CAV1: variants seen among roughly 807,000 people sequenced by gnomAD.
CAV1 encodes caveolin-1.
CAV1 carries 10 observed loss-of-function variants against 16.5 expected under a neutral mutation model. The ratio of observed to expected loss-of-function variants is 0.61; its 90% CI spans 0.37 to 1.03. The LOEUF is 1.03. Among genes scored for constraint, CAV1 ranks in the 50% least tolerant of loss-of-function variants. The probability of loss-of-function intolerance (pLI) is 0.01; values close to 1 mark genes in which losing one functional copy is unlikely to be tolerated. For synonymous variants in CAV1, 76 were observed against 85.1 expected, an observed-to-expected ratio of 0.89 and a Z score of 0.59; for missense variants, 212 against 232.8, an observed-to-expected ratio of 0.91 and a Z score of 0.58.
intron 1 of CAV1, 102 bp downstream of exon 1, chr7:116,525,194 C>G: frequency 6.2e-7 from 1 of 1,613,828 alleles, no homozygotes; most frequent in Non-Finnish European, 8.5e-7. Flanking sequence ...CCCCAGCCCT[C>G]TCTCCACTTC....
chr7:116,547,355 C>T (rs140647307), intron 2 of CAV1, among the ~76,000 whole-genome samples: 1 of 152,238 alleles, frequency 6.6e-6, no homozygotes, highest in Admixed American at 6.5e-5. Context: ...CTCATACTCC[C>T]TCCTAAGAAG....
intron 2 of CAV1, among the ~76,000 whole-genome samples, chr7:116,535,023 G>A (rs544797597): frequency 7.0e-4 from 106 of 152,240 alleles, no homozygotes; most frequent in African/African-American, 2.4e-3. Flanking sequence ...GGCTACTTGG[G>A]CTTAAAGCCA....
intron 2 of CAV1, among the ~76,000 whole-genome samples, chr7:116,534,379 A>T (rs1562829885): frequency 1.6e-4 from 9 of 55,192 alleles, no homozygotes; most frequent in South Asian, 8.2e-4. Context: ...ATATATATAT[A>T]TATATATATA....
intron 2 of CAV1, among the ~76,000 whole-genome samples, chr7:116,534,331 T>C (rs1220364906): frequency 7.5e-6 from 1 of 133,192 alleles, no homozygotes; most frequent in Admixed American, 8.1e-5. Flanking sequence ...CAGAGGAATG[T>C]TTACAAATAC....
At chr7:116,551,830 A>C (rs535972060) in intron 2 of CAV1, 1 of 151,816 alleles carries the variant, frequency 6.6e-6, no homozygotes, top group East Asian at 1.9e-4. Context: ...GTCTAAGCTC[A>C]CTCACATGGC....
chr7:116,534,385 A>ATTT (rs1181456517), intron 2 of CAV1, among the ~76,000 whole-genome samples: 13 of 9,134 alleles, frequency 1.4e-3, no homozygotes, highest in African/African-American at 2.3e-3. Flanking sequence ...ATATATATAT[A>ATTT]TATATATATA....
At chr7:116,553,724 T>C (rs1348826586) in intron 2 of CAV1, among the ~76,000 whole-genome samples, 1 of 152,136 alleles carries the variant, frequency 6.6e-6, no homozygotes, top group South Asian at 2.1e-4. Context: ...CCAGCCCTTG[T>C]AGAAGGGCAA....
intron 2 of CAV1, among the ~76,000 whole-genome samples, chr7:116,554,185 C>A (rs1794219011): frequency 6.6e-6 from 1 of 152,098 alleles, no homozygotes; most frequent in African/African-American, 2.4e-5. Flanking sequence ...CTCTGAACTC[C>A]CTTAAATACA....
At chr7:116,537,009 CAAAAAAAAAA>C (rs753949130) in intron 2 of CAV1, among the ~76,000 whole-genome samples, 1 of 61,474 alleles carries the variant, frequency 1.6e-5, no homozygotes, top group Non-Finnish European at 3.0e-5. Context: ...GACTCCGTCT[CAAAAAAAAAA>C]AAAAAAAAAA....
Position 116,526,626 on chromosome 7 carries a change from G to T in CAV1, c.132G>T (p.Ala44=), listed in dbSNP as rs1793568491. ...DELSEKQVYD[A]HTKEIDLVNR... ...TGAGCGAGAAGCAAGTGTACGACGC[G>T]CACACCAAGGAGATCGACCTGGTCA... Residue 44 remains alanine (A), a synonymous_variant, in exon 2 of 3, where the codon GCG becomes GCT. Coordinates refer to ENST00000341049, the MANE Select transcript of CAV1 (RefSeq NM_001753.5). The T allele has an allele frequency of 1.2e-6, 2 of 1,614,112 alleles. No individual in the cohort carries two copies. Among genetic ancestry groups the T allele is most frequent in the East Asian group, 2.2e-5 (1 of 44,876 alleles).
chr7:116,526,586 C>T lies in CAV1; in HGVS notation c.92C>T (p.Ala31Val). Residue 31 changes from alanine (A) to valine (V), a missense_variant, in exon 2 of 3, where the codon GCC (alanine) becomes GTC (valine). Coordinates refer to ENST00000341049, the MANE Select transcript of CAV1 (RefSeq NM_001753.5). ...QGNIYKPNNK[A>V]MADELSEKQV... ...AACATCTACAAGCCCAACAACAAGGCCATGGCAGACGAGCTGAGCGAGAAG... is the reference window on the plus strand; with the variant it reads ...AACATCTACAAGCCCAACAACAAGGTCATGGCAGACGAGCTGAGCGAGAAG... The T allele has an allele frequency of 6.2e-7, 1 of 1,614,164 alleles. No individual in the cohort carries two copies. Among genetic ancestry groups the T allele is most frequent in the Non-Finnish European group, 8.5e-7 (1 of 1,180,032 alleles).
chr7:116,526,382 C>T, intron 1 of CAV1, 143 bp from the exon 2 acceptor site: 2 of 1,525,454 alleles, frequency 1.3e-6, no homozygotes, highest in Non-Finnish European at 1.8e-6. Context: ...CCGTAGCTGT[C>T]GGAGCGGTTA....
intron 1 of CAV1, chr7:116,525,704 C>A (rs1443897924): frequency 9.3e-7 from 1 of 1,077,292 alleles, no homozygotes; most frequent in Non-Finnish European, 1.1e-6. Flanking sequence ...CGCTGGAGCT[C>A]TGCCCGGGTG....
intron 2 of CAV1, among the ~76,000 whole-genome samples, chr7:116,527,615 G>GGCTA (rs753134355): frequency 2.0e-4 from 30 of 152,150 alleles, no homozygotes; most frequent in Non-Finnish European, 3.5e-4. Context: ...ATCTGGATTG[G>GGCTA]GATATCATGG....
chr7:116,559,953 T>C lies in CAV1; in HGVS notation c.*666T>C, dbSNP rs992322396. 7.5e-6 allele frequency: 3 copies of C among 397,596 alleles called. No homozygotes were observed. The highest frequency in any genetic ancestry group is 6.2e-5 in the African/African-American group (3 of 48,582). The allele number at this position is 397,596 out of a possible 1,614,324, so 24.6% of individuals were successfully genotyped here. A position where few individuals can be genotyped will look rare whatever the true frequency, so the allele number is the denominator to read the frequency against. On this transcript the variant is annotated 3_prime_UTR_variant, in exon 3 of 3. Transcript: ENST00000341049. ...ATAACAAGACCTCAGTGCCTTCCTGTTTTTCACATTTTCCTTTTCAAATAG... is the reference window on the plus strand; with the variant it reads ...ATAACAAGACCTCAGTGCCTTCCTGCTTTTCACATTTTCCTTTTCAAATAG...
At chr7:116,535,388 C>G (rs573655373) in intron 2 of CAV1, among the ~76,000 whole-genome samples, 6 of 152,298 alleles carry the variant, frequency 3.9e-5, no homozygotes, top group African/African-American at 1.4e-4. Context: ...TAAAGAGGAT[C>G]CCTTATGTTC....
intron 2 of CAV1, among the ~76,000 whole-genome samples, chr7:116,543,559 A>C (rs1483417905): frequency 1.3e-5 from 2 of 152,238 alleles, no homozygotes; most frequent in Non-Finnish European, 2.9e-5. Context: ...ATCTGTTCTA[A>C]GATGGATCAG....
chr7:116,525,885 C>A, intron 1 of CAV1: 1 of 968,002 alleles, frequency 1.0e-6, no homozygotes, highest in Non-Finnish European at 1.2e-6. Flanking sequence ...TTGTGATCAT[C>A]ACGGCGGATT....
intron 2 of CAV1, among the ~76,000 whole-genome samples, chr7:116,533,468 A>C (rs565403730): frequency 9.9e-4 from 150 of 152,208 alleles, no homozygotes; most frequent in African/African-American, 3.2e-3. Flanking sequence ...TCTTTTCTTT[A>C]TTTATTTATT....
Sources: gnomAD v4.1 joint callset for allele counts (sites outside exome capture counted in the v4.1 genomes callset) on GRCh38, gnomAD v4.1.1 for gene constraint, MANE v1.5 for transcripts, NCBI Gene and HGNC (gene_info 2026-07-23, HGNC 2026-07-21) for gene names.